AHR: variants seen among roughly 807,000 people sequenced by gnomAD.
AHR encodes the protein aryl hydrocarbon receptor.
A neutral mutation model predicts 86.8 loss-of-function variants in AHR; 40 were observed. The ratio of observed to expected loss-of-function variants is 0.46; its 90% CI spans 0.36 to 0.60. The LOEUF is 0.60. AHR is among the 20% of genes least tolerant of loss of function. The probability of loss-of-function intolerance (pLI) is 0.00; values close to 1 mark genes in which losing one functional copy is unlikely to be tolerated. For missense variants in AHR, 1,001 were observed against 1,011.6 expected, an observed-to-expected ratio of 0.99 and a Z score of 0.14; for synonymous variants, 398 against 354.9, an observed-to-expected ratio of 1.12 and a Z score of -1.37.
chr7:17,333,955 AAAAG>A lies in AHR; in HGVS notation c.754_757del (p.Lys252GlyfsTer16). 6.2e-7 allele frequency: 1 copy of A among 1,613,452 alleles called. No homozygotes were observed. Among genetic ancestry groups the A allele is most frequent in the Non-Finnish European group, 8.5e-7 (1 of 1,179,502 alleles). On this transcript the variant is annotated frameshift_variant, in exon 7 of 11. Coordinates refer to ENST00000242057, the MANE Select transcript of AHR (RefSeq NM_001621.5). LOFTEE classifies it high-confidence loss of function. ...AAGTTAAAGTATCTTCATGGACAGA[AAAAG>A]AAAGGGAAAGATGGATCAATACTTC...
At chr7:17,330,938 C>A in intron 6 of AHR, 52 bp downstream of exon 6, 1 of 1,564,582 alleles carries the variant, frequency 6.4e-7, no homozygotes. Context: ...ACAATAAAAG[C>A]TTGAGGCAAA....
At chr7:17,309,552 AG>A (rs1324580381) in intron 1 of AHR, among the ~76,000 whole-genome samples, 1 of 152,224 alleles carries the variant, frequency 6.6e-6, no homozygotes, top group Non-Finnish European at 1.5e-5. Flanking sequence ...AAGATAGCAA[AG>A]GAAGTATGAT....
At chr7:17,319,801 A>T (rs1782150720) in intron 2 of AHR, among the ~76,000 whole-genome samples, 1 of 152,144 alleles carries the variant, frequency 6.6e-6, no homozygotes. Flanking sequence ...GAAAAACTTC[A>T]TGCAGGGGTA....
chr7:17,340,153 A>G lies in AHR; in HGVS notation c.2328A>G (p.Pro776=). 6.2e-7 allele frequency: 1 copy of G among 1,614,238 alleles called. No homozygotes were observed. The highest frequency in any genetic ancestry group is 8.5e-7 in the Non-Finnish European group (1 of 1,180,032). Residue 776 remains proline (P), a synonymous_variant, in exon 10 of 11, where the codon CCA becomes CCG. Coordinates refer to ENST00000242057, the MANE Select transcript of AHR (RefSeq NM_001621.5). ...CCGTGTCGATGTATCAGTGCCAGCC[A>G]GAACCTCAGCACACCCACGTGGGTC... The part of the protein sequence containing the change: ...AGAVSMYQCQ[P]EPQHTHVGQM...
chr7:17,299,261 C>T lies in AHR; in HGVS notation c.-4C>T, dbSNP rs201598605. ...GGAGTAGCCGCCGCCGTCGGCTGGG[C>T]ACCATGAACAGCAGCAGCGCCAACA... is the stretch of plus-strand genomic sequence containing the variant. On this transcript the variant is annotated 5_prime_UTR_variant, in exon 1 of 11. Coordinates refer to ENST00000242057, the MANE Select transcript of AHR (RefSeq NM_001621.5). The T allele has an allele frequency of 1.9e-6, 3 of 1,611,408 alleles. No individual in the cohort carries two copies. The highest frequency in any genetic ancestry group is 1.7e-6 in the Non-Finnish European group (2 of 1,179,434).
At chr7:17,337,371 G>T (rs1782364243) in intron 9 of AHR, among the ~76,000 whole-genome samples, 2 of 151,184 alleles carry the variant, frequency 1.3e-5, no homozygotes, top group South Asian at 4.2e-4. Context: ...TGTTAATTGT[G>T]TTCATATTTG....
At chr7:17,304,844 T>G (rs1012022605) in intron 1 of AHR, among the ~76,000 whole-genome samples, 3 of 152,108 alleles carry the variant, frequency 2.0e-5, no homozygotes, top group African/African-American at 7.2e-5. Context: ...CACTTAAAAT[T>G]TTTTTGGTAA....
At chr7:17,304,274 C>T (rs1781983654) in intron 1 of AHR, among the ~76,000 whole-genome samples, 1 of 152,106 alleles carries the variant, frequency 6.6e-6, no homozygotes, top group South Asian at 2.1e-4. Flanking sequence ...TTTTCACCTT[C>T]CTGCATCCTC....
chr7:17,307,566 A>G (rs1186371948), intron 1 of AHR, among the ~76,000 whole-genome samples: 2 of 152,196 alleles, frequency 1.3e-5, no homozygotes, highest in East Asian at 3.8e-4. Context: ...AGCGGCTTCA[A>G]TAGAAGAAAT....
intron 8 of AHR, 76 bp downstream of exon 8, chr7:17,335,072 A>G: frequency 9.4e-7 from 1 of 1,066,336 alleles, no homozygotes; most frequent in Non-Finnish European, 1.4e-6. Flanking sequence ...TTCTTACGTA[A>G]TGTAAAGTGT....
At position 17,322,575 on chromosome 7, in the gene AHR, C is replaced by A; in HGVS notation, c.328C>A (p.Leu110Met). Residue 110 changes from leucine (L) to methionine (M), a missense_variant, in exon 3 of 11, where the codon CTG (leucine) becomes ATG (methionine). Leu to Met is a conservative substitution (Grantham distance 15). This residue lies in a region of AHR where 394 missense variants were observed against 468.5 expected (regional missense o/e 0.84). Coordinates refer to ENST00000242057, the MANE Select transcript of AHR (RefSeq NM_001621.5). The stretch of plus-strand genomic sequence containing the variant: ...TAGAGCAGCAAATTTCAGAGAAGGC[C>A]TGAACTTACAAGAAGGAGAATTCTT... ...NCRAANFREG[L>M]NLQEGEFLLQ... 1 of 1,612,062 alleles carries A rather than the reference C, an allele frequency of 6.2e-7. No individual in the cohort carries two copies. Among genetic ancestry groups the A allele is most frequent in the Non-Finnish European group, 8.5e-7 (1 of 1,178,592 alleles).
At chr7:17,331,393 TTAAAG>T (rs1782287134) in intron 6 of AHR, among the ~76,000 whole-genome samples, 1 of 152,000 alleles carries the variant, frequency 6.6e-6, no homozygotes, top group Non-Finnish European at 1.5e-5. Context: ...AAGTAACATT[TTAAAG>T]TAATTATTTC....
At chr7:17,311,597 A>G (rs1361872930) in intron 2 of AHR, among the ~76,000 whole-genome samples, 3 of 152,302 alleles carry the variant, frequency 2.0e-5, no homozygotes, top group African/African-American at 7.2e-5. Context: ...TTAGTTTAAC[A>G]GTTGTGGTCT....
chr7:17,338,964 A>G, intron 9 of AHR, 22 bp from the exon 10 acceptor site: 1 of 1,522,854 alleles, frequency 6.6e-7, no homozygotes, highest in Non-Finnish European at 8.8e-7. Context: ...TTTTTCTAAG[A>G]CTTTTTTGTA....
chr7:17,343,086 T>TG lies in AHR; in HGVS notation c.*24dup. 1 of 1,612,364 alleles carries TG rather than the reference T, an allele frequency of 6.2e-7. No homozygotes were observed. The highest frequency in any genetic ancestry group is 8.5e-7 in the Non-Finnish European group (1 of 1,178,874). On this transcript the variant is annotated 3_prime_UTR_variant, in exon 11 of 11. Coordinates refer to ENST00000242057, the MANE Select transcript of AHR (RefSeq NM_001621.5). ...GTAATTCCAAGCCCAATTTTGACCC[T>TG]GGTTTTTGGATTAAATTAGTTTGTG...
At chr7:17,330,482 T>G (rs1185084803) in intron 5 of AHR, among the ~76,000 whole-genome samples, 3 of 151,922 alleles carry the variant, frequency 2.0e-5, no homozygotes, top group Non-Finnish European at 4.4e-5. Flanking sequence ...TTTGGAAATT[T>G]GTTAAAGTGT....
chr7:17,329,517 A>G (rs1782264015), intron 4 of AHR, among the ~76,000 whole-genome samples: 1 of 151,946 alleles, frequency 6.6e-6, no homozygotes, highest in African/African-American at 2.4e-5. Flanking sequence ...AAAATTTTAT[A>G]TGAAGAAAAT....
intron 2 of AHR, among the ~76,000 whole-genome samples, chr7:17,314,754 A>C (rs1371825623): frequency 6.6e-6 from 1 of 152,052 alleles, no homozygotes; most frequent in Non-Finnish European, 1.5e-5. Flanking sequence ...ATAGATTTGT[A>C]TGTCTGCTTT....
chr7:17,308,866 C>T (rs1782033430), intron 1 of AHR, among the ~76,000 whole-genome samples: 1 of 152,156 alleles, frequency 6.6e-6, no homozygotes, highest in Admixed American at 6.5e-5. Context: ...ATATTAATAG[C>T]ACTATGCCCA....
Sources: gnomAD v4.1 joint callset for allele counts (sites outside exome capture counted in the v4.1 genomes callset) on GRCh38, gnomAD v4.1.1 for gene constraint, gnomAD v4.1.1 regional missense constraint, MANE v1.5 for transcripts, NCBI Gene and HGNC (gene_info 2026-07-23, HGNC 2026-07-21) for gene names.